TJP1: variants seen among roughly 807,000 people sequenced by gnomAD.
TJP1 encodes the protein tight junction protein 1.
Under a neutral mutation model 194.2 loss-of-function variants are expected in TJP1, and 43 were observed. The observed-to-expected ratio is 0.22, with a 90% confidence interval of 0.17 to 0.29. The LOEUF (loss-of-function observed/expected upper bound fraction) is 0.29. Ranked by LOEUF, TJP1 falls within the 10% of genes least tolerant of loss-of-function variation. The pLI is 1.00. For missense variants in TJP1, 1,971 were observed against 2,185.7 expected (o/e 0.90, Z 1.96); for synonymous variants, 801 against 779.0 (o/e 1.03, Z -0.47).
Position 29,773,191 on chromosome 15 carries a change from C to G in TJP1, c.209+42G>C, listed in dbSNP as rs944782679. 1.9e-6 allele frequency: 3 copies of G among 1,608,496 alleles called. No individual in the cohort carries two copies. In the African/African-American group the frequency reaches 4.0e-5, roughly 21 times the overall value. ...GTACGCCAGTGCCTGAGGAGAGGAACACTGCTTGTTGCACAGTGCCCACGA... is the reference window on the plus strand; with the variant it reads ...GTACGCCAGTGCCTGAGGAGAGGAAGACTGCTTGTTGCACAGTGCCCACGA... On this transcript the variant is annotated intron_variant, in intron 3 of 27. Transcript: ENST00000614355.
intron 1 of TJP1, among the ~76,000 whole-genome samples, chr15:29,805,718 T>C (rs763172077): frequency 6.6e-6 from 1 of 152,188 alleles, no homozygotes; most frequent in Non-Finnish European, 1.5e-5. Flanking sequence ...ATGAGCTTTT[T>C]GCACCAAAAT....
At chr15:29,765,378 G>A (rs188439472) in intron 5 of TJP1, among the ~76,000 whole-genome samples, 49 of 152,252 alleles carry the variant, frequency 3.2e-4, no homozygotes, top group African/African-American at 9.9e-4. Flanking sequence ...TATTCCAACT[G>A]TAACACCCTT....
chr15:29,931,175 A>G (rs530626020), intron 2 of TJP1, among the ~76,000 whole-genome samples: 2 of 152,340 alleles, frequency 1.3e-5, no homozygotes, highest in South Asian at 4.1e-4. Flanking sequence ...AAGAGAAAAT[A>G]TAGTTACTGT....
intron 1 of TJP1, chr15:29,968,604 C>T (rs1816715227): frequency 1.1e-6 from 1 of 947,936 alleles, no homozygotes; most frequent in Admixed American, 6.3e-5. Context: ...CTCTCCCACT[C>T]CGGCCCCCGC....
intron 2 of TJP1, among the ~76,000 whole-genome samples, chr15:29,924,791 T>C (rs1889220091): frequency 1.4e-5 from 2 of 144,636 alleles, no homozygotes; most frequent in Non-Finnish European, 3.1e-5. Context: ...AACGGAGATC[T>C]TAACCCTAGG....
At chr15:29,858,496 G>A (rs924822204) in intron 2 of TJP1, among the ~76,000 whole-genome samples, 3 of 152,182 alleles carry the variant, frequency 2.0e-5, no homozygotes, top group African/African-American at 7.2e-5. Flanking sequence ...CACTGTTTAA[G>A]GCCATGTGGA....
chr15:29,866,931 C>T (rs1055334033), intron 2 of TJP1, among the ~76,000 whole-genome samples: 2 of 152,146 alleles, frequency 1.3e-5, no homozygotes, highest in Non-Finnish European at 2.9e-5. Context: ...GCCACCGTCA[C>T]CCTGAGCACT....
intron 1 of TJP1, among the ~76,000 whole-genome samples, chr15:29,817,267 CA>C (rs2049992405): frequency 6.6e-6 from 1 of 152,146 alleles, no homozygotes; most frequent in Non-Finnish European, 1.5e-5. Context: ...AAATGCAAAT[CA>C]AAACCACAAT....
At chr15:29,807,338 T>C (rs1352571188) in intron 1 of TJP1, among the ~76,000 whole-genome samples, 1 of 152,218 alleles carries the variant, frequency 6.6e-6, no homozygotes, top group East Asian at 1.9e-4. Context: ...GTACATTAAA[T>C]ATTGAGAAAA....
At chr15:29,749,048 C>T (rs1022064793) in intron 8 of TJP1, among the ~76,000 whole-genome samples, 1 of 151,968 alleles carries the variant, frequency 6.6e-6, no homozygotes, top group Non-Finnish European at 1.5e-5. Context: ...TATTCCAGCT[C>T]CTGGTAGCCT....
chr15:29,856,524 A>AT (rs993159265), intron 2 of TJP1, among the ~76,000 whole-genome samples: 11 of 152,134 alleles, frequency 7.2e-5, no homozygotes, highest in Non-Finnish European at 1.2e-4. Context: ...TTATAGTTAT[A>AT]TTTTTACCTT....
chr15:29,823,548 C>CT (rs756422806), upstream of TJP1: 21 of 152,158 alleles, frequency 1.4e-4, no homozygotes, highest in Non-Finnish European at 2.9e-4. Context: ...ATGGTTTTCT[C>CT]TTTAGAATTC....
At chr15:29,882,182 G>C (rs781762261) in intron 2 of TJP1, among the ~76,000 whole-genome samples, 6 of 152,170 alleles carry the variant, frequency 3.9e-5, no homozygotes, top group Non-Finnish European at 8.8e-5. Flanking sequence ...CAACTAAAAA[G>C]ACCAAGTGAG....
At chr15:29,717,153 T>C (rs2042617611) in intron 22 of TJP1, among the ~76,000 whole-genome samples, 1 of 151,906 alleles carries the variant, frequency 6.6e-6, no homozygotes, top group East Asian at 1.9e-4. Context: ...ACCGAGACAG[T>C]GAACATCTTG....
intron 20 of TJP1, 117 bp downstream of exon 20, chr15:29,719,660 A>T: frequency 1.6e-6 from 2 of 1,282,284 alleles, no homozygotes; most frequent in East Asian, 2.3e-5. Context: ...TGAAAGCATT[A>T]CAGTGTATAA....
intron 2 of TJP1, among the ~76,000 whole-genome samples, chr15:29,797,494 CATTAAGAGAAAGAA>C (rs1355269166): frequency 2.7e-5 from 4 of 150,092 alleles, no homozygotes; most frequent in Non-Finnish European, 5.9e-5. Context: ...AAGACACTGT[CATTAAGAGAAAGAA>C]AAGGCAAATC....
At chr15:29,949,935 CCACCT>C (rs1183808747) in intron 2 of TJP1, among the ~76,000 whole-genome samples, 3 of 54,888 alleles carry the variant, frequency 5.5e-5, no homozygotes, top group African/African-American at 1.5e-4. Flanking sequence ...ACCACCACCA[CCACCT>C]CCACAACCAC....
intron 2 of TJP1, among the ~76,000 whole-genome samples, chr15:29,833,168 T>C (rs546087538): frequency 8.7e-4 from 133 of 152,278 alleles, no homozygotes; most frequent in African/African-American, 3.0e-3. Context: ...CAGAAGTACA[T>C]GTGGATCTTC....
intron 2 of TJP1, among the ~76,000 whole-genome samples, chr15:29,949,286 GCCATCACCTCCACCA>G (rs2055434328): frequency 9.5e-5 from 2 of 20,986 alleles, no homozygotes; most frequent in South Asian, 2.1e-3. Context: ...CACCTCCACC[GCCATCACCTCCACCA>G]CCACCACCTC....
Sources: gnomAD v4.1 joint callset for allele counts (sites outside exome capture counted in the v4.1 genomes callset) on GRCh38, gnomAD v4.1.1 for gene constraint, MANE v1.5 for transcripts, NCBI Gene and HGNC (gene_info 2026-07-23, HGNC 2026-07-21) for gene names.